NCOA3: variants seen among roughly 807,000 people sequenced by gnomAD.
NCOA3 encodes the protein CBP-interacting protein.
NCOA3 carries 51 observed loss-of-function variants against 158.8 expected under a neutral mutation model. The ratio of observed to expected loss-of-function variants is 0.32; its 90% CI spans 0.26 to 0.41. NCOA3 has a LOEUF of 0.41. NCOA3 is among the 10% of genes least tolerant of loss of function. The pLI, the probability that NCOA3 is intolerant of heterozygous loss-of-function variation, is 1.00. For synonymous variants in NCOA3, 537 were observed against 592.4 expected, an observed-to-expected ratio of 0.91 and a Z score of 1.36; for missense variants, 1,510 against 1,746.6, an observed-to-expected ratio of 0.86 and a Z score of 2.41.
rs746483421 is a variant in NCOA3 at position 47,639,834 on chromosome 20, C to A, written c.2953+12C>A. Reference sequence around the variant, plus strand: ...GATGCTTCAAATGAGTAAGTGTCCACCCTCCCCTCTTCATGAAAAAAGAAA... The same window carrying A: ...GATGCTTCAAATGAGTAAGTGTCCAACCTCCCCTCTTCATGAAAAAAGAAA... On this transcript the variant is annotated intron_variant, in intron 15 of 22. Coordinates refer to ENST00000371998, the MANE Select transcript of NCOA3 (RefSeq NM_181659.3). 7 of 1,612,824 alleles carry A rather than the reference C, an allele frequency of 4.3e-6. No individual in the cohort carries two copies. Among genetic ancestry groups the A allele is most frequent in the Non-Finnish European group, 5.1e-6 (6 of 1,179,030 alleles).
chr20:47,614,105 C>T (rs1317778880), intron 2 of NCOA3, among the ~76,000 whole-genome samples: 1 of 151,768 alleles, frequency 6.6e-6, no homozygotes, highest in African/African-American at 2.4e-5. Context: ...CTGTCCTTTA[C>T]ACACGTTATA....
At chr20:47,633,658 T>C (rs2086459511) in intron 9 of NCOA3, 22 bp downstream of exon 9, 1 of 1,602,724 alleles carries the variant, frequency 6.2e-7, no homozygotes, top group South Asian at 1.1e-5. Context: ...TGGGGTTGAT[T>C]GTTCTTATCA....
rs755028787 is a variant in NCOA3 at position 47,636,603 on chromosome 20, A to T, written c.2217A>T (p.Arg739Ser). The change falls in exon 12 of 23, where the codon AGA becomes AGT. Residue 739 changes from arginine to serine, a missense_variant. Coordinates refer to ENST00000371998, the MANE Select transcript of NCOA3 (RefSeq NM_181659.3). ...AGAAGGAGAATAATGCACTTCTTAG[A>T]TACCTGCTGGACAGGGATGATCCTA... is the stretch of plus-strand genomic sequence containing the variant. ...PKKKENNALL[R>S]YLLDRDDPSD... 6.2e-7 allele frequency: 1 copy of T among 1,614,218 alleles called. No homozygotes were observed. Among genetic ancestry groups the T allele is most frequent in the Non-Finnish European group, 8.5e-7 (1 of 1,180,044 alleles).
intron 2 of NCOA3, among the ~76,000 whole-genome samples, chr20:47,606,276 C>A (rs1294916392): frequency 6.6e-6 from 1 of 152,188 alleles, no homozygotes; most frequent in African/African-American, 2.4e-5. Context: ...TCTCTGAGAA[C>A]CTTTTAAGGG....
chr20:47,525,429 G>A (rs1265603997), intron 1 of NCOA3, among the ~76,000 whole-genome samples: 21 of 146,366 alleles, frequency 1.4e-4, no homozygotes, highest in South Asian at 4.4e-4. Flanking sequence ...ATCATGGCCC[G>A]TTCTCAATGA....
intron 1 of NCOA3, among the ~76,000 whole-genome samples, chr20:47,508,525 G>A (rs1400100354): frequency 6.6e-6 from 1 of 152,140 alleles, no homozygotes; most frequent in African/African-American, 2.4e-5. Context: ...GCATGGGGAG[G>A]GGAAGAAAGG....
chr20:47,555,727 C>T (rs542537922), intron 1 of NCOA3, among the ~76,000 whole-genome samples: 23 of 149,936 alleles, frequency 1.5e-4, no homozygotes, highest in African/African-American at 5.4e-4. Context: ...CAAGCTCCGC[C>T]TCCCAGGTTC....
Position 47,627,636 on chromosome 20 carries a change from C to T in NCOA3, c.608C>T (p.Thr203Ile). 1.2e-6 allele frequency: 2 copies of T among 1,613,998 alleles called. No individual in the cohort carries two copies. The highest frequency in any genetic ancestry group is 1.7e-6 in the Non-Finnish European group (2 of 1,179,932). The change falls in exon 7 of 23, where the codon ACA (threonine) becomes ATA (isoleucine). Residue 203 changes from threonine to isoleucine, a missense_variant. By Grantham distance (89) the Thr-to-Ile change is moderately conservative (BLOSUM62 -1). This residue lies in a region of NCOA3 where 309 missense variants were observed against 427.1 expected (regional missense o/e 0.72). Coordinates refer to ENST00000371998, the MANE Select transcript of NCOA3 (RefSeq NM_181659.3). ...TTTAATTGCCGTATGTTGATGAAAA[C>T]ACCACATGATATTCTGGAAGACATA... ...HTFNCRMLMK[T>I]PHDILEDINA...
intron 1 of NCOA3, among the ~76,000 whole-genome samples, chr20:47,528,669 T>C (rs1361531413): frequency 6.6e-6 from 1 of 152,192 alleles, no homozygotes; most frequent in African/African-American, 2.4e-5. Context: ...CTGTGTAAGC[T>C]GATGAGAAAA....
At position 47,653,092 on chromosome 20, in the gene NCOA3, C is replaced by A. The variant is rs371214102; in HGVS notation, c.4263+20C>A. 7.2e-5 allele frequency: 116 copies of A among 1,612,608 alleles called. 1 individual carries two copies. In the East Asian group the frequency reaches 8.5e-4, roughly 12 times the overall value. On this transcript the variant is annotated intron_variant, in intron 22 of 22. Coordinates refer to ENST00000371998, the MANE Select transcript of NCOA3 (RefSeq NM_181659.3). ...GATCAGGTATGGGATCGATTCCTTACCTTTTTCAAAAAGTTTTTCTTGTTC... is the reference window on the plus strand; with the variant it reads ...GATCAGGTATGGGATCGATTCCTTAACTTTTTCAAAAAGTTTTTCTTGTTC...
chr20:47,641,324 CTTTTTTTTT>C (rs34173277), intron 16 of NCOA3, among the ~76,000 whole-genome samples: 3 of 96,600 alleles, frequency 3.1e-5, no homozygotes, highest in African/African-American at 8.4e-5. Flanking sequence ...CTCAACATTT[CTTTTTTTTT>C]TTTTTTTTTT....
chr20:47,555,934 ACC>A (rs1365374556), intron 1 of NCOA3, among the ~76,000 whole-genome samples: 1 of 123,010 alleles, frequency 8.1e-6, no homozygotes, highest in Non-Finnish European at 1.7e-5. Flanking sequence ...GAGCCACTGC[ACC>A]CAGCCTTTTT....
intron 2 of NCOA3, among the ~76,000 whole-genome samples, chr20:47,597,295 CA>C (rs2085772750): frequency 6.6e-6 from 1 of 152,148 alleles, no homozygotes; most frequent in Admixed American, 6.5e-5. Context: ...GTGTGTGTTA[CA>C]CCTTTTATAA....
At chr20:47,637,080 C>T (rs1384474944) in intron 12 of NCOA3, among the ~76,000 whole-genome samples, 4 of 151,966 alleles carry the variant, frequency 2.6e-5, no homozygotes, top group Admixed American at 2.6e-4. Flanking sequence ...TTGTATTAAG[C>T]AGCATAATTT....
intron 1 of NCOA3, among the ~76,000 whole-genome samples, chr20:47,525,806 A>C (rs1157378527): frequency 9.7e-6 from 1 of 103,234 alleles, no homozygotes; most frequent in Non-Finnish European, 1.9e-5. Context: ...CTGGCCGGGC[A>C]GAGGGGCTCC....
At chr20:47,617,820 A>G (rs1432156345) in intron 2 of NCOA3, among the ~76,000 whole-genome samples, 3 of 152,180 alleles carry the variant, frequency 2.0e-5, no homozygotes, top group African/African-American at 7.2e-5. Flanking sequence ...GCTTTTTGTT[A>G]TAAAACAATT....
intron 8 of NCOA3, chr20:47,630,223 CT>C (rs2086390901): frequency 6.6e-6 from 1 of 152,194 alleles, no homozygotes; most frequent in Non-Finnish European, 1.5e-5. Context: ...TAGTCTCCCC[CT>C]GCTACTAATA....
chr20:47,625,780 A>G (rs566506315), intron 5 of NCOA3, among the ~76,000 whole-genome samples: 1 of 152,290 alleles, frequency 6.6e-6, no homozygotes, highest in East Asian at 1.9e-4. Flanking sequence ...TTTCACAGAG[A>G]TATTTGGGTA....
Position 47,651,070 on chromosome 20 carries a change from TGCA to T in NCOA3, c.3759_3761del (p.Gln1276del), listed in dbSNP as rs3830810. On this transcript the variant is annotated inframe_deletion, in exon 20 of 23. Coordinates refer to ENST00000371998, the MANE Select transcript of NCOA3 (RefSeq NM_181659.3). ...CGACAACAGAGGGTGGCTATGATGA[TGCA>T]GCAGCAGCAGCAGCAGCAACAGCAG... The T allele has an allele frequency of 4.0e-5, 65 of 1,605,064 alleles. No individual in the cohort carries two copies. The highest frequency in any genetic ancestry group is 1.7e-4 in the Middle Eastern group (1 of 6,052).
Sources: allele counts gnomAD v4.1 joint callset (sites outside exome capture counted in the v4.1 genomes callset), GRCh38; gene constraint gnomAD v4.1.1; regional missense constraint gnomAD v4.1.1; transcripts MANE v1.5; gene names NCBI Gene and HGNC (gene_info 2026-07-23, HGNC 2026-07-21).